The following RYR1 variants were observed in gnomAD, a reference collection of about 807,000 sequenced individuals.
RYR1 encodes central core disease of muscle.
Under a neutral mutation model 583.5 loss-of-function variants are expected in RYR1, and 342 were observed. The ratio of observed to expected loss-of-function variants is 0.59; its 90% CI spans 0.54 to 0.64. The LOEUF (loss-of-function observed/expected upper bound fraction) is 0.64, where lower values mean the gene tolerates loss of function less well. Among genes scored for constraint, RYR1 ranks in the 30% least tolerant of loss-of-function variants. The pLI, the probability that RYR1 is intolerant of heterozygous loss-of-function variation, is 0.00. For synonymous variants in RYR1, 2,791 were observed against 2,822.5 expected (o/e 0.99, Z 0.35); for missense variants, 6,032 against 6,917.2 (o/e 0.87, Z 4.54).
At chr19:38,562,192 G>A (rs1382853005) in intron 90 of RYR1, among the ~76,000 whole-genome samples, 3 of 152,078 alleles carry the variant, frequency 2.0e-5, no homozygotes, top group African/African-American at 7.2e-5. Flanking sequence ...CACGGTCTCA[G>A]GCTCACCCAG....
chr19:38,526,224 C>T (rs1971460746), intron 71 of RYR1, among the ~76,000 whole-genome samples: 2 of 152,028 alleles, frequency 1.3e-5, no homozygotes, highest in Admixed American at 1.3e-4. Context: ...TCCCGGGACC[C>T]CACTTACCCC....
chr19:38,506,428 G>A (rs1970454892), intron 55 of RYR1, 43 bp from the exon 56 acceptor site: 3 of 1,613,350 alleles, frequency 1.9e-6, no homozygotes, highest in Non-Finnish European at 2.5e-6. Flanking sequence ...TGGGGGGGCT[G>A]GCATCCTCTG....
Position 38,466,264 on chromosome 19 carries a change from G to A in RYR1, c.3044G>A (p.Arg1015His), listed in dbSNP as rs1202647394. ...SYSAVQDIPA[R>H]RNPRLVPYRL... ...AGCGCAGTGCAGGACATCCCAGCGCGCCGAAACCCTCGGCTGGTGCCCTAC... is the reference window on the plus strand; with the variant it reads ...AGCGCAGTGCAGGACATCCCAGCGCACCGAAACCCTCGGCTGGTGCCCTAC... Residue 1015 changes from arginine (R) to histidine (H), a missense_variant, in exon 24 of 106, where the codon CGC (arginine) becomes CAC (histidine). Physicochemically the swap from Arg to His is conservative, Grantham distance 29. This residue lies in a region of RYR1 where 2,627 missense variants were observed against 2,961.3 expected (regional missense o/e 0.89). Coordinates refer to ENST00000359596, the MANE Select transcript of RYR1 (RefSeq NM_000540.3). 8.7e-6 allele frequency: 14 copies of A among 1,613,080 alleles called. No individual in the cohort carries two copies. The highest frequency in any genetic ancestry group is 3.3e-4 in the Middle Eastern group (2 of 6,058).
chr19:38,472,835 TAAAAAAAAAAAAAAAA>T (rs34985897), intron 27 of RYR1, among the ~76,000 whole-genome samples: 1 of 107,298 alleles, frequency 9.3e-6, no homozygotes, highest in South Asian at 3.1e-4. Context: ...GACTCTTGTC[TAAAAAAAAAAAAAAAA>T]AAAAAAGAAG....
chr19:38,500,666 C>A lies in RYR1; in HGVS notation c.7384C>A (p.Pro2462Thr). ...CCGCGCCATCCTCCGCTCCCTTGTG[C>A]CCTTGGAGGACCTTGTGGGCATCAT... Reference protein sequence around the residue: ...RIRAILRSLVPLEDLVGIISL... With the variant: ...RIRAILRSLVTLEDLVGIISL... Residue 2462 changes from proline (P) to threonine (T), a missense_variant, in exon 46 of 106, where the codon CCC (proline) becomes ACC (threonine). Coordinates refer to ENST00000359596, the MANE Select transcript of RYR1 (RefSeq NM_000540.3). This position sits in a 1 kb window ranked among gnomAD's most constrained non-coding sequence, Gnocchi z 5.9. 4 of 1,614,082 alleles carry A rather than the reference C, an allele frequency of 2.5e-6. No homozygotes were observed. Among genetic ancestry groups the A allele is most frequent in the Non-Finnish European group, 3.4e-6 (4 of 1,180,020 alleles).
intron 64 of RYR1, among the ~76,000 whole-genome samples, chr19:38,515,393 T>G (rs1234620522): frequency 6.6e-6 from 1 of 151,784 alleles, no homozygotes. Flanking sequence ...AACACTGGGG[T>G]CACTGGGGAG....
At chr19:38,536,979 T>G in intron 83 of RYR1, 1 of 613,786 alleles carries the variant, frequency 1.6e-6, no homozygotes, top group Non-Finnish European at 3.0e-6. Flanking sequence ...CATGGGCCTG[T>G]GAACAAGTCT....
intron 39 of RYR1, among the ~76,000 whole-genome samples, chr19:38,495,683 G>GCC (rs1431555618): frequency 2.0e-5 from 3 of 152,234 alleles, no homozygotes; most frequent in South Asian, 2.1e-4. Flanking sequence ...AAAGATCTCT[G>GCC]CCCTAGAGGA....
At position 38,561,365 on chromosome 19, in the gene RYR1, C is replaced by T. The variant is rs2145831560; in HGVS notation, c.12535C>T (p.Arg4179Cys). 4 of 1,613,794 alleles carry T rather than the reference C, an allele frequency of 2.5e-6. No individual in the cohort carries two copies. Among genetic ancestry groups the T allele is most frequent in the Non-Finnish European group, 3.4e-6 (4 of 1,180,002 alleles). ...TGAGTACTTCCGCCCCTACCTGGGC[C>T]GCATCGAGATCATGGGCGCGTCACG... ...ILEYFRPYLG[R>C]IEIMGASRRI... Residue 4179 changes from arginine to cysteine, a missense_variant, in exon 90 of 106, where the codon CGC becomes TGC. Coordinates refer to ENST00000359596, the MANE Select transcript of RYR1 (RefSeq NM_000540.3). This position sits in a 1 kb window ranked among gnomAD's most constrained non-coding sequence, Gnocchi z 4.8.
At chr19:38,495,777 T>A (rs1969790231) in intron 39 of RYR1, among the ~76,000 whole-genome samples, 1 of 152,120 alleles carries the variant, frequency 6.6e-6, no homozygotes, top group African/African-American at 2.4e-5. Flanking sequence ...ATTTTTTTTT[T>A]TTATTTTTTG....
intron 71 of RYR1, among the ~76,000 whole-genome samples, chr19:38,526,328 C>T (rs1263596100): frequency 6.6e-6 from 1 of 151,922 alleles, no homozygotes; most frequent in African/African-American, 2.4e-5. Flanking sequence ...CCCCAAGACC[C>T]CTATAGCCCT....
intron 20 of RYR1, among the ~76,000 whole-genome samples, chr19:38,460,956 G>A (rs1414140152): frequency 1.3e-5 from 2 of 152,154 alleles, no homozygotes; most frequent in East Asian, 3.8e-4. Flanking sequence ...TTGTACTCCA[G>A]CCTAAGCAAC....
At chr19:38,510,076 A>G (rs999421529) in intron 58 of RYR1, among the ~76,000 whole-genome samples, 2 of 152,042 alleles carry the variant, frequency 1.3e-5, no homozygotes, top group Admixed American at 1.3e-4. Context: ...GGGAAAGCAC[A>G]TTGGGAGGTT....
At position 38,534,491 on chromosome 19, in the gene RYR1, C is replaced by T. The variant is rs78792317; in HGVS notation, c.11260-229C>T. On this transcript the variant is annotated intron_variant, in intron 78 of 105. Coordinates refer to ENST00000359596, the MANE Select transcript of RYR1 (RefSeq NM_000540.3). ...GGAGGCCCATGGGCCCAGGTTAAGA[C>T]TGCTGCATGCCCAGCTCTGATTTAT... 7.7e-3 allele frequency among the ~76,000 whole-genome samples: 1,166 copies of T among 152,338 alleles called. 30 individuals carry two copies. The highest frequency in any genetic ancestry group is 0.067 in the East Asian group (347 of 5,184).
In RYR1 at chr19:38,565,759, G is replaced by A; in HGVS notation, c.13425G>A (p.Lys4475=). The part of the protein sequence containing the change: ...PPTPEGSPIL[K]RKLGVDGVEE... ...CACCCGAGGGCTCTCCCATCCTCAA[G>A]AGGAAATTGGGGGTGAGAGAGCAGG... Residue 4475 remains lysine, a synonymous_variant, in exon 91 of 106, where the codon AAG becomes AAA. Transcript: ENST00000359596. This position sits in a 1 kb window ranked among gnomAD's most constrained non-coding sequence, Gnocchi z 4.7. The A allele has an allele frequency of 7.1e-7, 1 of 1,409,908 alleles. No individual in the cohort carries two copies. Among genetic ancestry groups the A allele is most frequent in the Non-Finnish European group, 9.2e-7 (1 of 1,090,458 alleles). The allele number at this position is 1,409,908 out of a possible 1,614,324, so 87.3% of individuals were successfully genotyped here.
At chr19:38,491,258 A>G (rs1209053260) in intron 37 of RYR1, among the ~76,000 whole-genome samples, 1 of 152,028 alleles carries the variant, frequency 6.6e-6, no homozygotes, top group African/African-American at 2.4e-5. Context: ...TATCCTGTTG[A>G]AAGTTTGTTG....
In RYR1 at chr19:38,496,842, C is replaced by T. The variant is rs775004676; in HGVS notation, c.6797-18C>T. On this transcript the variant is annotated intron_variant, in intron 41 of 105. Transcript: ENST00000359596. This position sits in a 1 kb window ranked among gnomAD's most constrained non-coding sequence, Gnocchi z 4.8. The stretch of plus-strand genomic sequence containing the variant: ...ACAAGCAGGAGTGAGATGTTCTCCC[C>T]ACCTCTCGCCCCTGCAGGCATGCAG... The T allele has an allele frequency of 5.0e-6, 8 of 1,604,206 alleles. No homozygotes were observed. Among genetic ancestry groups the T allele is most frequent in the Admixed American group, 1.7e-5 (1 of 59,982 alleles).
At chr19:38,503,737 C>T (rs1273061087) in intron 49 of RYR1, among the ~76,000 whole-genome samples, 2 of 151,152 alleles carry the variant, frequency 1.3e-5, no homozygotes, top group African/African-American at 4.9e-5. Flanking sequence ...CGTGCCACTG[C>T]ACTCCAGCCT....
chr19:38,441,957 G>A (rs1972708035), intron 2 of RYR1, among the ~76,000 whole-genome samples: 1 of 151,792 alleles, frequency 6.6e-6, no homozygotes, highest in Non-Finnish European at 1.5e-5. Flanking sequence ...GGGATGTGGG[G>A]TCATCTGCAG....
Sources: allele counts gnomAD v4.1 joint callset (sites outside exome capture counted in the v4.1 genomes callset), GRCh38; gene constraint gnomAD v4.1.1; regional missense constraint gnomAD v4.1.1; non-coding constraint Gnocchi (gnomAD v3.1); transcripts MANE v1.5; gene names NCBI Gene and HGNC (gene_info 2026-07-23, HGNC 2026-07-21).